The following CHD2 variants were observed in gnomAD, a reference collection of about 807,000 sequenced individuals.
CHD2 encodes ATP-dependent chromatin remodeler CHD2.
In CHD2, 28 loss-of-function variants were observed where a neutral mutation model predicts 243.9. The observed-to-expected ratio is 0.11, with a 90% CI of 0.09 to 0.16. The LOEUF (loss-of-function observed/expected upper bound fraction) is 0.16. Ranked by LOEUF, CHD2 falls within the 10% of genes least tolerant of loss-of-function variation. The probability of loss-of-function intolerance (pLI) is 1.00; values close to 1 mark genes in which losing one functional copy is unlikely to be tolerated. For synonymous variants in CHD2, 775 were observed against 779.0 expected (o/e 0.99, Z 0.09); for missense variants, 1,386 against 2,209.8 (o/e 0.63, Z 7.47).
chr15:92,929,113 TTA>T, intron 5 of CHD2, 22 bp downstream of exon 5: 1 of 1,587,600 alleles, frequency 6.3e-7, no homozygotes, highest in Non-Finnish European at 8.6e-7. Context: ...ATGGGGGAAA[TTA>T]TTCAATCTAG....
intron 16 of CHD2, among the ~76,000 whole-genome samples, chr15:92,964,544 T>A (rs1022674658): frequency 6.6e-6 from 1 of 152,202 alleles, no homozygotes; most frequent in Non-Finnish European, 1.5e-5. Context: ...CCCACTCAAA[T>A]GTTACAGGCT....
intron 25 of CHD2, 81 bp from the exon 26 acceptor site, chr15:92,985,417 A>G (rs1245369500): frequency 1.4e-6 from 2 of 1,387,900 alleles, no homozygotes; most frequent in Admixed American, 2.5e-5. Context: ...ATACTAAAGA[A>G]TTAAGATGGC....
intron 2 of CHD2, among the ~76,000 whole-genome samples, chr15:92,918,852 CATACATATAT>C (rs1316328748): frequency 6.6e-6 from 1 of 150,866 alleles, no homozygotes; most frequent in African/African-American, 2.5e-5. Flanking sequence ...CATATATATA[CATACATATAT>C]ATATATATTT....
chr15:92,973,293 G>A (rs888746157), intron 19 of CHD2, among the ~76,000 whole-genome samples: 2 of 152,144 alleles, frequency 1.3e-5, no homozygotes, highest in Non-Finnish European at 2.9e-5. Flanking sequence ...CTTCCGCATA[G>A]TAACATTTTT....
intron 2 of CHD2, among the ~76,000 whole-genome samples, chr15:92,917,220 C>T (rs376515839): frequency 2.6e-5 from 4 of 152,112 alleles, no homozygotes; most frequent in East Asian, 3.8e-4. Flanking sequence ...GGACTTGAAC[C>T]AAAGGTGGAG....
At chr15:92,935,876 T>G (rs2053258191) in intron 5 of CHD2, among the ~76,000 whole-genome samples, 1 of 152,128 alleles carries the variant, frequency 6.6e-6, no homozygotes, top group South Asian at 2.1e-4. Flanking sequence ...CTTTCTGTCT[T>G]ACCAGAAGCA....
chr15:92,999,083 CAAAAAAAAAAAAAAAAAAAA>C (rs55738843), intron 31 of CHD2, among the ~76,000 whole-genome samples: 2 of 65,542 alleles, frequency 3.1e-5, no homozygotes, highest in Non-Finnish European at 5.3e-5. Context: ...GACTCCGTCT[CAAAAAAAAAAAAAAAAAAAA>C]AAAAAAAAAA....
chr15:92,989,924 C>T (rs754065258), intron 26 of CHD2, among the ~76,000 whole-genome samples: 1 of 152,236 alleles, frequency 6.6e-6, no homozygotes, highest in Non-Finnish European at 1.5e-5. Context: ...CAGACCTGCA[C>T]ATGTCAGAGC....
intron 6 of CHD2, among the ~76,000 whole-genome samples, chr15:92,938,997 TG>T (rs1167485776): frequency 2.0e-5 from 3 of 152,222 alleles, no homozygotes; most frequent in Non-Finnish European, 4.4e-5. Context: ...CTGCTTGTTC[TG>T]TAGGTTTCTT....
At position 93,024,584 on chromosome 15, in the gene CHD2, C is replaced by T. The variant is rs2054570944; in HGVS notation, c.5366C>T (p.Ser1789Leu). 6.2e-7 allele frequency: 1 copy of T among 1,614,228 alleles called. No homozygotes were observed. Among genetic ancestry groups the T allele is most frequent in the Non-Finnish European group, 8.5e-7 (1 of 1,180,040 alleles). ...CACCCTGCAGTCTCAGATCCTCGCT[C>T]ACCCCCTTCTCAGAAATCTCCTCAC... Reference protein sequence around the residue: ...PLHPAVSDPRSPPSQKSPHDS... With the variant: ...PLHPAVSDPRLPPSQKSPHDS... Residue 1789 changes from serine (S) to leucine (L), a missense_variant, in exon 39 of 39, where the codon TCA becomes TTA. This residue lies in a region of CHD2 where 347 missense variants were observed against 341.6 expected (regional missense o/e 1.02). Coordinates refer to ENST00000394196, the MANE Select transcript of CHD2 (RefSeq NM_001271.4).
At chr15:93,022,791 C>T (rs1277413404) in intron 38 of CHD2, among the ~76,000 whole-genome samples, 4 of 152,196 alleles carry the variant, frequency 2.6e-5, no homozygotes, top group Non-Finnish European at 5.9e-5. Flanking sequence ...GTGTCACAGC[C>T]TGAGGGACTA....
chr15:92,950,295 C>T (rs2053536208), intron 13 of CHD2: 1 of 152,210 alleles, frequency 6.6e-6, no homozygotes, highest in Non-Finnish European at 1.5e-5. Context: ...ATTTCTAACA[C>T]TTGTTATTTA....
At chr15:92,941,252 A>G (rs1052029274) in intron 7 of CHD2, among the ~76,000 whole-genome samples, 2 of 151,768 alleles carry the variant, frequency 1.3e-5, no homozygotes, top group South Asian at 2.1e-4. Context: ...TCAGCCTCCC[A>G]AAGTGCTGGG....
At chr15:92,932,907 T>C (rs939623072) in intron 5 of CHD2, among the ~76,000 whole-genome samples, 1 of 152,030 alleles carries the variant, frequency 6.6e-6, no homozygotes, top group African/African-American at 2.4e-5. Context: ...TGTGCCCAGC[T>C]GATTTTTGTA....
At chr15:92,923,567 T>G (rs1357347658) in intron 2 of CHD2, among the ~76,000 whole-genome samples, 2 of 149,228 alleles carry the variant, frequency 1.3e-5, no homozygotes, top group Non-Finnish European at 3.0e-5. Context: ...GCTTGTTTTT[T>G]TTTTTTTTTT....
At chr15:93,020,464 GAA>G (rs1339998979) in intron 38 of CHD2, 4 of 652,114 alleles carry the variant, frequency 6.1e-6, no homozygotes, top group Admixed American at 3.0e-5. Context: ...ACCTGTGCAG[GAA>G]AAGAGTTTTC....
At chr15:92,995,578 T>C (rs2054177149) in intron 28 of CHD2, among the ~76,000 whole-genome samples, 1 of 152,212 alleles carries the variant, frequency 6.6e-6, no homozygotes, top group African/African-American at 2.4e-5. Flanking sequence ...TATCATTATG[T>C]AGAGATCATC....
At chr15:92,941,547 T>C (rs943193025) in intron 7 of CHD2, among the ~76,000 whole-genome samples, 1 of 152,148 alleles carries the variant, frequency 6.6e-6, no homozygotes, top group African/African-American at 2.4e-5. Flanking sequence ...AATAGAAGTG[T>C]CCTTATAGTT....
At chr15:92,910,741 A>G (rs567837058) in intron 2 of CHD2, among the ~76,000 whole-genome samples, 20 of 152,136 alleles carry the variant, frequency 1.3e-4, no homozygotes, top group African/African-American at 4.6e-4. Flanking sequence ...CTTCAGTTCC[A>G]TTGTGTGCTT....
Sources: gnomAD v4.1 joint callset for allele counts (sites outside exome capture counted in the v4.1 genomes callset) on GRCh38, gnomAD v4.1.1 for gene constraint, gnomAD v4.1.1 regional missense constraint, MANE v1.5 for transcripts, NCBI Gene and HGNC (gene_info 2026-07-23, HGNC 2026-07-21) for gene names.